RAPGEF4: variants seen among roughly 807,000 people sequenced by gnomAD.
RAPGEF4 encodes the protein RAP guanine-nucleotide-exchange factor (GEF) 4.
A neutral mutation model predicts 147.9 loss-of-function variants in RAPGEF4; 66 were observed. The observed-to-expected ratio is 0.45, with a 90% CI of 0.37 to 0.55. The LOEUF (loss-of-function observed/expected upper bound fraction) is 0.55, where lower values mean the gene tolerates loss of function less well. Among genes scored for constraint, RAPGEF4 ranks in the 20% least tolerant of loss-of-function variants. The pLI is 0.00. For synonymous variants in RAPGEF4, 419 were observed against 442.7 expected (o/e 0.95, Z 0.67); for missense variants, 1,071 against 1,257.3 (o/e 0.85, Z 2.24).
chr2:172,814,267 T>C lies in RAPGEF4; in HGVS notation c.298-12T>C. ...TTTAATTTTCTAATGACTAGTTTTTTGGGATCCTCAGGATGCTGTGACCAT... is the reference window on the plus strand; with the variant it reads ...TTTAATTTTCTAATGACTAGTTTTTCGGGATCCTCAGGATGCTGTGACCAT... On this transcript the variant is annotated splice_polypyrimidine_tract_variant and intron_variant, in intron 3 of 30. Coordinates refer to ENST00000397081, the MANE Select transcript of RAPGEF4 (RefSeq NM_007023.4). 1 of 1,613,476 alleles carries C rather than the reference T, an allele frequency of 6.2e-7. No homozygotes were observed. Among genetic ancestry groups the C allele is most frequent in the South Asian group, 1.1e-5 (1 of 91,042 alleles).
chr2:173,018,498 G>A (rs746455265), intron 21 of RAPGEF4, among the ~76,000 whole-genome samples, 158 bp from the exon 22 acceptor site: 1 of 152,208 alleles, frequency 6.6e-6, no homozygotes, highest in Non-Finnish European at 1.5e-5. Flanking sequence ...AAGCAGTTTA[G>A]AAGGGGCAGG....
At chr2:173,019,372 C>A (rs1170432595) in intron 22 of RAPGEF4, among the ~76,000 whole-genome samples, 1 of 152,232 alleles carries the variant, frequency 6.6e-6, no homozygotes, top group Non-Finnish European at 1.5e-5. Flanking sequence ...TTACTGGCCA[C>A]AGTGTGGCTA....
intron 4 of RAPGEF4, among the ~76,000 whole-genome samples, chr2:172,821,367 G>A (rs1689045257): frequency 6.6e-6 from 1 of 152,222 alleles, no homozygotes; most frequent in South Asian, 2.1e-4. Flanking sequence ...GAGCCTCCAA[G>A]CCAAGGGGCC....
At chr2:172,929,259 G>T (rs1437900422) in intron 6 of RAPGEF4, among the ~76,000 whole-genome samples, 1 of 152,128 alleles carries the variant, frequency 6.6e-6, no homozygotes, top group Non-Finnish European at 1.5e-5. Flanking sequence ...GTCATTTAGG[G>T]TTTAGATTCT....
intron 4 of RAPGEF4, among the ~76,000 whole-genome samples, chr2:172,834,270 C>G (rs925001108): frequency 6.6e-6 from 1 of 152,218 alleles, no homozygotes; most frequent in African/African-American, 2.4e-5. Context: ...TTTTGTGCCT[C>G]AATCTTATCA....
At chr2:172,820,602 T>C (rs1015384930) in intron 4 of RAPGEF4, among the ~76,000 whole-genome samples, 26 of 152,324 alleles carry the variant, frequency 1.7e-4, no homozygotes, top group African/African-American at 6.0e-4. Context: ...GATTCACTGC[T>C]CAAATGTGTC....
chr2:172,747,368 C>G (rs964968583), intron 1 of RAPGEF4, among the ~76,000 whole-genome samples: 12 of 152,184 alleles, frequency 7.9e-5, no homozygotes, highest in African/African-American at 2.9e-4. Flanking sequence ...CACTTAAGAT[C>G]TACTCTCTTA....
At chr2:172,916,340 T>A (rs1416486871) in intron 4 of RAPGEF4, among the ~76,000 whole-genome samples, 1 of 152,018 alleles carries the variant, frequency 6.6e-6, no homozygotes, top group Non-Finnish European at 1.5e-5. Flanking sequence ...TGTTAGGGAG[T>A]TGATAATGGT....
intron 18 of RAPGEF4, among the ~76,000 whole-genome samples, chr2:173,015,573 G>A (rs949902167): frequency 3.3e-5 from 5 of 152,172 alleles, no homozygotes; most frequent in Admixed American, 1.3e-4. Flanking sequence ...TTGAAAATGC[G>A]AGGAATGGCG....
At position 172,859,458 on chromosome 2, in the gene RAPGEF4, T is replaced by C. The variant is rs3769296; in HGVS notation, c.444+45033T>C. 4.1e-3 allele frequency among the ~76,000 whole-genome samples: 627 copies of C among 152,346 alleles called. 27 individuals are homozygous for C. The East Asian group carries it at 0.085, about 21-fold the overall frequency. The stretch of plus-strand genomic sequence containing the variant: ...AGGAATTGACAGCTCATGAATTAAA[T>C]ACAGCCTTTAGCTCCTGCTTCAGCT... On this transcript the variant is annotated intron_variant, in intron 4 of 30. Transcript: ENST00000397081.
At chr2:172,889,947 G>T (rs1169151655) in intron 4 of RAPGEF4, 2 of 480,372 alleles carry the variant, frequency 4.2e-6, no homozygotes, top group Non-Finnish European at 5.4e-6. Context: ...GTGATGTGCT[G>T]GGTTTATTTC....
intron 4 of RAPGEF4, among the ~76,000 whole-genome samples, chr2:172,821,238 A>G (rs899133657): frequency 3.3e-5 from 5 of 152,352 alleles, no homozygotes; most frequent in African/African-American, 4.8e-5. Context: ...TTTCAGGTTT[A>G]TATTTAATGG....
intron 6 of RAPGEF4, among the ~76,000 whole-genome samples, chr2:172,926,564 GTTTA>G (rs903881759): frequency 3.3e-5 from 5 of 151,846 alleles, no homozygotes; most frequent in African/African-American, 7.3e-5. Context: ...TTTTTTGTTT[GTTTA>G]TTTGTTTGTT....
In RAPGEF4 at chr2:172,903,789, A is replaced by G. The variant is rs572374946; in HGVS notation, c.445-14013A>G. On this transcript the variant is annotated intron_variant, in intron 4 of 30. Coordinates refer to ENST00000397081, the MANE Select transcript of RAPGEF4 (RefSeq NM_007023.4). ...TGAATGCTTCCTGAGAAAATTGGTC[A>G]GAAAATAAACTGAGAAATGCAAAGT... Among the ~76,000 whole-genome samples the G allele has an allele frequency of 2.0e-5, 3 of 152,330 alleles. No individual in the cohort carries two copies. In the South Asian group the frequency reaches 6.2e-4, roughly 32 times the overall value.
At chr2:172,803,589 ACAT>A (rs72323240) in intron 3 of RAPGEF4, among the ~76,000 whole-genome samples, 51,245 of 151,944 alleles carry the variant, frequency 0.34, 9,065 homozygotes, top group Middle Eastern at 0.46. Flanking sequence ...TGTCCTAGAG[ACAT>A]TTTCCCCATT....
At chr2:172,925,527 A>G (rs1685194824) in intron 6 of RAPGEF4, among the ~76,000 whole-genome samples, 1 of 152,034 alleles carries the variant, frequency 6.6e-6, no homozygotes, top group South Asian at 2.1e-4. Flanking sequence ...CCTACAAAAT[A>G]TCAAGAAAAA....
At chr2:172,736,198 G>T (rs1693748607) in intron 1 of RAPGEF4, 150 bp downstream of exon 1, 2 of 443,730 alleles carry the variant, frequency 4.5e-6, no homozygotes, top group South Asian at 7.1e-5. Flanking sequence ...TCCTCGTCCG[G>T]GAGACAGGAG....
chr2:173,026,867 G>C (rs1696712584), intron 24 of RAPGEF4, among the ~76,000 whole-genome samples, 170 bp downstream of exon 24: 1 of 152,140 alleles, frequency 6.6e-6, no homozygotes, highest in African/African-American at 2.4e-5. Context: ...GAGTATTAAA[G>C]AAAAATCTTT....
At position 172,967,456 on chromosome 2, in the gene RAPGEF4, CT is replaced by C; in HGVS notation, c.1004+13del. 1 of 1,606,558 alleles carries C rather than the reference CT, an allele frequency of 6.2e-7. No homozygotes were observed. Among genetic ancestry groups the C allele is most frequent in the Non-Finnish European group, 8.5e-7 (1 of 1,176,742 alleles). On this transcript the variant is annotated intron_variant, in intron 10 of 30. Transcript: ENST00000397081. The stretch of plus-strand genomic sequence containing the variant: ...ATCCTTCGCAAACCGTGAGTGAGAG[CT>C]CGTGGCTCACCCCTCCAGGTCCCAA...
Sources: gnomAD v4.1 joint callset for allele counts (sites outside exome capture counted in the v4.1 genomes callset) on GRCh38, gnomAD v4.1.1 for gene constraint, MANE v1.5 for transcripts, NCBI Gene and HGNC (gene_info 2026-07-23, HGNC 2026-07-21) for gene names.